MICU2: variants seen among roughly 807,000 people sequenced by gnomAD.
MICU2 encodes calcium uptake protein 2, mitochondrial.
A neutral mutation model predicts 60.4 loss-of-function variants in MICU2; 64 were observed. That is an observed-to-expected ratio of 1.06 (90% CI 0.87 to 1.31). MICU2 has a LOEUF of 1.31. Among genes scored for constraint, MICU2 ranks in the 50% most tolerant of loss-of-function variants. The pLI, the probability that MICU2 is intolerant of heterozygous loss-of-function variation, is 0.00. For synonymous variants in MICU2, 201 were observed against 175.0 expected (o/e 1.15, Z -1.17); for missense variants, 569 against 531.0 (o/e 1.07, Z -0.70).
chr13:21,596,835 GTTATAT>G (rs1280694192), intron 1 of MICU2, among the ~76,000 whole-genome samples: 1 of 152,154 alleles, frequency 6.6e-6, no homozygotes, highest in East Asian at 1.9e-4. Context: ...TACAGAGCTT[GTTATAT>G]TTATATCTTC....
At chr13:21,561,624 C>G (rs968750511) in intron 2 of MICU2, among the ~76,000 whole-genome samples, 1 of 150,344 alleles carries the variant, frequency 6.7e-6, no homozygotes, top group African/African-American at 2.4e-5. Context: ...AGGCTAGCTA[C>G]TCCAGCCTTC....
At chr13:21,589,551 A>C (rs894369435) in intron 1 of MICU2, among the ~76,000 whole-genome samples, 2 of 152,216 alleles carry the variant, frequency 1.3e-5, no homozygotes, top group African/African-American at 2.4e-5. Context: ...TCAAAGAATC[A>C]ATATGTCAGT....
intron 2 of MICU2, among the ~76,000 whole-genome samples, chr13:21,555,847 G>A (rs1320511558): frequency 6.6e-6 from 1 of 152,094 alleles, no homozygotes; most frequent in African/African-American, 2.4e-5. Flanking sequence ...GATGTCATGT[G>A]GTGTGCATGC....
chr13:21,570,191 T>G (rs1220836067), intron 1 of MICU2, among the ~76,000 whole-genome samples: 1 of 152,182 alleles, frequency 6.6e-6, no homozygotes, highest in Admixed American at 6.5e-5. Context: ...ACAACAAAAT[T>G]TATGTAAAGG....
intron 2 of MICU2, among the ~76,000 whole-genome samples, chr13:21,558,527 G>C (rs1228482525): frequency 1.3e-5 from 2 of 152,134 alleles, no homozygotes; most frequent in Non-Finnish European, 2.9e-5. Flanking sequence ...TTTGAGTGTG[G>C]ATCTTAGGCT....
At chr13:21,590,544 ATTC>A (rs904687792) in intron 1 of MICU2, among the ~76,000 whole-genome samples, 4 of 152,254 alleles carry the variant, frequency 2.6e-5, no homozygotes, top group African/African-American at 9.6e-5. Context: ...TCCTATTCTT[ATTC>A]TTCACACCCA....
chr13:21,573,272 AT>A (rs781532121), intron 1 of MICU2, among the ~76,000 whole-genome samples: 1 of 150,396 alleles, frequency 6.6e-6, no homozygotes, highest in African/African-American at 2.5e-5. Context: ...GTTAACATAC[AT>A]TTTTTTGTTT....
intron 1 of MICU2, among the ~76,000 whole-genome samples, chr13:21,578,014 GA>G (rs1316379022): frequency 6.6e-6 from 1 of 151,540 alleles, no homozygotes; most frequent in African/African-American, 2.4e-5. Context: ...TAAATTAAAA[GA>G]AAAAAATTCC....
intron 4 of MICU2, among the ~76,000 whole-genome samples, chr13:21,528,720 A>C (rs1484701051): frequency 6.6e-6 from 1 of 152,290 alleles, no homozygotes; most frequent in African/African-American, 2.4e-5. Flanking sequence ...TATTCTAAGA[A>C]GTTAGCAGAT....
chr13:21,563,011 A>G (rs1322771738), intron 2 of MICU2, among the ~76,000 whole-genome samples: 1 of 152,218 alleles, frequency 6.6e-6, no homozygotes, highest in Non-Finnish European at 1.5e-5. Flanking sequence ...TAGATATAGA[A>G]TTCTACATTG....
chr13:21,549,680 T>C (rs7990030), intron 2 of MICU2, among the ~76,000 whole-genome samples: 52,919 of 152,052 alleles, frequency 0.35, 9,564 homozygotes, highest in South Asian at 0.4. Flanking sequence ...GTATAAGGAA[T>C]AGTCAAAACC....
intron 4 of MICU2, among the ~76,000 whole-genome samples, chr13:21,534,813 G>C (rs1214413568): frequency 6.6e-6 from 1 of 152,156 alleles, no homozygotes; most frequent in Non-Finnish European, 1.5e-5. Context: ...AGAAAGATTA[G>C]AAATCAGAGA....
At chr13:21,529,964 T>C (rs1318273826) in intron 4 of MICU2, among the ~76,000 whole-genome samples, 1 of 152,180 alleles carries the variant, frequency 6.6e-6, no homozygotes, top group African/African-American at 2.4e-5. Flanking sequence ...AGTCTAAGTA[T>C]AGAAAAGTCT....
intron 1 of MICU2, among the ~76,000 whole-genome samples, chr13:21,593,736 C>A (rs566536116): frequency 3.4e-4 from 52 of 152,272 alleles, no homozygotes; most frequent in African/African-American, 1.3e-3. Flanking sequence ...CACACATCTA[C>A]ATCCATCTGA....
intron 4 of MICU2, among the ~76,000 whole-genome samples, chr13:21,532,239 C>G (rs766876394): frequency 6.6e-6 from 1 of 152,186 alleles, no homozygotes; most frequent in East Asian, 1.9e-4. Flanking sequence ...AATCTCTTTA[C>G]GTTCAAAACT....
chr13:21,587,765 T>C (rs1308064859), intron 1 of MICU2, among the ~76,000 whole-genome samples: 4 of 152,210 alleles, frequency 2.6e-5, no homozygotes, highest in African/African-American at 9.6e-5. Flanking sequence ...CTAGGGACTA[T>C]ACTAAGTATT....
intron 4 of MICU2, chr13:21,531,034 T>C: frequency 1.1e-6 from 1 of 908,068 alleles, no homozygotes; most frequent in South Asian, 1.3e-5. Context: ...TTGAAAGGGA[T>C]TTTGCAGGAT....
chr13:21,598,677 C>G (rs1464168590), intron 1 of MICU2, among the ~76,000 whole-genome samples: 2 of 152,182 alleles, frequency 1.3e-5, no homozygotes, highest in East Asian at 3.9e-4. Flanking sequence ...GATTGCACCA[C>G]TGCACTCCAG....
intron 5 of MICU2, among the ~76,000 whole-genome samples, 200 bp from the exon 6 acceptor site, chr13:21,521,527 T>C (rs1350990245): frequency 1.3e-5 from 2 of 152,212 alleles, no homozygotes; most frequent in African/African-American, 4.8e-5. Flanking sequence ...TCAACACTCT[T>C]TCCATAGGTG....
Sources: gnomAD v4.1 joint callset for allele counts (sites outside exome capture counted in the v4.1 genomes callset) on GRCh38, gnomAD v4.1.1 for gene constraint, MANE v1.5 for transcripts, NCBI Gene and HGNC (gene_info 2026-07-23, HGNC 2026-07-21) for gene names.